KIAA0586: variants seen among roughly 807,000 people sequenced by gnomAD.
KIAA0586 encodes the protein KIAA0586.
In KIAA0586, 144 loss-of-function variants were observed where a neutral mutation model predicts 169.8. The ratio of observed to expected loss-of-function variants is 0.85; its 90% CI spans 0.74 to 0.97. The LOEUF is 0.97. Ranked by LOEUF, KIAA0586 falls within the 50% of genes least tolerant of loss-of-function variation. KIAA0586 has a pLI of 0.00. For synonymous variants in KIAA0586, 625 were observed against 612.4 expected (o/e 1.02, Z -0.30); for missense variants, 1,854 against 1,823.0 (o/e 1.02, Z -0.31).
intron 19 of KIAA0586, among the ~76,000 whole-genome samples, chr14:58,476,198 G>C (rs978854250): frequency 6.6e-6 from 1 of 152,094 alleles, no homozygotes; most frequent in African/African-American, 2.4e-5. Context: ...TTATAGGTGA[G>C]CTTTATCAAT....
At chr14:58,553,227 G>A (rs2047227667), downstream of KIAA0586, among the ~76,000 whole-genome samples, 1 of 152,194 alleles carries the variant, frequency 6.6e-6, no homozygotes, top group Non-Finnish European at 1.5e-5. Flanking sequence ...ATGCTCTAAA[G>A]TATATAGAAG....
rs774363184 is a variant in KIAA0586 at position 58,508,726 on chromosome 14, A to G, written c.4323+17A>G. The G allele has an allele frequency of 3.2e-6, 5 of 1,558,226 alleles. No homozygotes were observed. The South Asian group carries it at 5.9e-5, about 18-fold the overall frequency. On this transcript the variant is annotated intron_variant, in intron 28 of 30. Coordinates refer to ENST00000652326, the MANE Select transcript of KIAA0586 (RefSeq NM_001329943.3). ...TTTTCCCAGGTACCAAATTAATAGCACTTGTATTTTACTTAAAATGAGAAT... is the reference window on the plus strand; with the variant it reads ...TTTTCCCAGGTACCAAATTAATAGCGCTTGTATTTTACTTAAAATGAGAAT...
At chr14:58,501,744 T>C (rs1812779989) in intron 27 of KIAA0586, among the ~76,000 whole-genome samples, 1 of 152,262 alleles carries the variant, frequency 6.6e-6, no homozygotes, top group African/African-American at 2.4e-5. Context: ...TATGTATCTT[T>C]GGTCAAATAA....
intron 29 of KIAA0586, chr14:58,521,663 A>T: frequency 1.0e-6 from 1 of 990,654 alleles, no homozygotes. Context: ...TCAGGCCATT[A>T]AGAAGGAATT....
At chr14:58,553,273 A>G (rs2047228019), downstream of KIAA0586, among the ~76,000 whole-genome samples, 1 of 152,238 alleles carries the variant, frequency 6.6e-6, no homozygotes, top group African/African-American at 2.4e-5. Context: ...TTTGTTTGCT[A>G]GCATTAAGCA....
rs1336869338 is a variant in KIAA0586 at position 58,487,927 on chromosome 14, A to G, written c.3345A>G (p.Thr1115=). Residue 1115 remains threonine (T), a synonymous_variant, in exon 23 of 31, where the codon ACA becomes ACG. Coordinates refer to ENST00000652326, the MANE Select transcript of KIAA0586 (RefSeq NM_001329943.3). The part of the protein sequence containing the change: ...MPAIMLVNTP[T]VTPTTTPPPA... The stretch of plus-strand genomic sequence containing the variant: ...CCATCATGCTTGTTAATACTCCAAC[A>G]GTTACCCCTACTACTACACCTCCTC... 6.2e-7 allele frequency: 1 copy of G among 1,613,492 alleles called. No individual in the cohort carries two copies. The highest frequency in any genetic ancestry group is 8.5e-7 in the Non-Finnish European group (1 of 1,179,790).
rs368777651 is a variant in KIAA0586, at chr14:58,462,449, T to C, written c.2059+1289T>C. Reference sequence around the variant, plus strand: ...TGTATTTTTAGTAGAGACAGGGTTTTGCCACATTGGCCAGGCTCGTCTTGA... The same window carrying C: ...TGTATTTTTAGTAGAGACAGGGTTTCGCCACATTGGCCAGGCTCGTCTTGA... On this transcript the variant is annotated intron_variant, in intron 14 of 30. Transcript: ENST00000652326. Among the ~76,000 whole-genome samples the C allele has an allele frequency of 2.6e-5, 4 of 152,168 alleles. 1 individual carries two copies.
chr14:58,492,893 T>C (rs1489204555), intron 26 of KIAA0586, among the ~76,000 whole-genome samples: 1 of 152,190 alleles, frequency 6.6e-6, no homozygotes, highest in African/African-American at 2.4e-5. Flanking sequence ...GTATTGAAAA[T>C]CTCTGTGTGG....
chr14:58,472,777 A>G (rs2041326060), intron 18 of KIAA0586, among the ~76,000 whole-genome samples: 1 of 151,486 alleles, frequency 6.6e-6, no homozygotes, highest in South Asian at 2.1e-4. Flanking sequence ...ACAAAAGATC[A>G]TAGAACATTG....
At chr14:58,539,943 G>T in intron 29 of KIAA0586, 128 bp from the exon 30 acceptor site, 1 of 574,040 alleles carries the variant, frequency 1.7e-6, no homozygotes, top group Non-Finnish European at 3.1e-6. Flanking sequence ...TCAAACTTCT[G>T]TTTACCTGGT....
rs144426129 is a variant in KIAA0586, at chr14:58,523,266, T to C, written c.4429+10639T>C. On this transcript the variant is annotated intron_variant, in intron 29 of 30. Coordinates refer to ENST00000652326, the MANE Select transcript of KIAA0586 (RefSeq NM_001329943.3). The stretch of plus-strand genomic sequence containing the variant: ...CATTTTAATTGTGGAAATTATTTGA[T>C]TTCCTTTTTGTGGAATTAATTATAT... Among the ~76,000 whole-genome samples the C allele has an allele frequency of 2.3e-3, 357 of 152,268 alleles. 1 individual carries two copies. Among genetic ancestry groups the C allele is most frequent in the African/African-American group, 8.3e-3 (347 of 41,574 alleles).
intron 17 of KIAA0586, among the ~76,000 whole-genome samples, 181 bp from the exon 18 acceptor site, chr14:58,472,018 A>G (rs1443309559): frequency 4.6e-5 from 7 of 152,280 alleles, no homozygotes; most frequent in Middle Eastern, 3.4e-3. Flanking sequence ...ATGTTGACCT[A>G]ATGGCTTGGG....
intron 29 of KIAA0586, chr14:58,521,268 T>C: frequency 8.8e-7 from 1 of 1,130,966 alleles, no homozygotes; most frequent in Non-Finnish European, 1.3e-6. Flanking sequence ...CTCCATGAAC[T>C]CCCGTGTGTT....
rs1258812042 is a variant in KIAA0586 at position 58,544,246 on chromosome 14, C to A, written c.4496-3535C>A. On this transcript the variant is annotated intron_variant, in intron 30 of 30. Transcript: ENST00000652326. ...GGTATTCCTTGGTATACATGTACCA[C>A]AGTTTCTTTATCCAATTTGTCATCC... Among the ~76,000 whole-genome samples, 4 of 152,174 alleles carry A rather than the reference C, an allele frequency of 2.6e-5. No individual in the cohort carries two copies. In the East Asian group the frequency reaches 7.7e-4, roughly 29 times the overall value.
intron 26 of KIAA0586, among the ~76,000 whole-genome samples, chr14:58,496,775 C>T (rs2043184644): frequency 6.6e-6 from 1 of 151,940 alleles, no homozygotes; most frequent in African/African-American, 2.4e-5. Context: ...GAAATTAAAC[C>T]CCTTTTAAAT....
In KIAA0586 at chr14:58,551,071, C is replaced by T. The variant is rs925565385; in HGVS notation, c.*3139C>T. On this transcript the variant is annotated 3_prime_UTR_variant, in exon 31 of 31. Transcript: ENST00000652326. ...AGGCATGGTGGCGTGTGCCTGTAAT[C>T]CCAGCTACTTGGGAGGCTGAGGCAG... The T allele has an allele frequency of 1.3e-5, 2 of 152,132 alleles. No individual in the cohort carries two copies. The highest frequency in any genetic ancestry group is 4.8e-5 in the African/African-American group (2 of 41,354). 9.4% of individuals were successfully genotyped at this position (152,132 alleles called of 1,614,324 possible).
In KIAA0586 at chr14:58,549,590, T is replaced by G. The variant is rs1318125153; in HGVS notation, c.*1658T>G. The G allele has an allele frequency of 6.6e-6, 1 of 152,202 alleles. No homozygotes were observed. Among genetic ancestry groups the G allele is most frequent in the Non-Finnish European group, 1.5e-5 (1 of 68,052 alleles). 9.4% of individuals were successfully genotyped at this position (152,202 alleles called of 1,614,324 possible). ...GTTTTAGGTTTCACTTTAGAACCCG[T>G]TTTCTTTGATATGGCCCTTTGGACA... is the stretch of plus-strand genomic sequence containing the variant. On this transcript the variant is annotated 3_prime_UTR_variant, in exon 31 of 31. Transcript: ENST00000652326.
chr14:58,457,743 C>CT lies in KIAA0586; in HGVS notation c.1363-9dup. 6 of 1,537,220 alleles carry CT rather than the reference C, an allele frequency of 3.9e-6. No homozygotes were observed. The highest frequency in any genetic ancestry group is 1.2e-5 in the South Asian group (1 of 82,404). On this transcript the variant is annotated splice_polypyrimidine_tract_variant and intron_variant, in intron 10 of 30. Transcript: ENST00000652326. Reference sequence around the variant, plus strand: ...GTTGTGAGTTTAGTAACTTTCTGGTCTTTTTTTCTTTTAAGCCAAAAGAAT... The same window carrying CT: ...GTTGTGAGTTTAGTAACTTTCTGGTCTTTTTTTTCTTTTAAGCCAAAAGAAT...
chr14:58,428,248 G>A lies in KIAA0586; in HGVS notation c.-17G>A. 6.2e-7 allele frequency: 1 copy of A among 1,611,022 alleles called. No individual in the cohort carries two copies. Among genetic ancestry groups the A allele is most frequent in the South Asian group, 1.1e-5 (1 of 90,592 alleles). On this transcript the variant is annotated 5_prime_UTR_variant, in exon 1 of 31. Coordinates refer to ENST00000652326, the MANE Select transcript of KIAA0586 (RefSeq NM_001329943.3). ...TTTTCCGTCCTTAAGTGTGGGACTT[G>A]TTTTGTGACCAACAATATGAAAGGC...
Sources: allele counts gnomAD v4.1 joint callset (sites outside exome capture counted in the v4.1 genomes callset), GRCh38; gene constraint gnomAD v4.1.1; transcripts MANE v1.5; gene names NCBI Gene and HGNC (gene_info 2026-07-23, HGNC 2026-07-21).